Variants in ANO4 observed in about 807,000 individuals in gnomAD.
ANO4 encodes the protein anoctamin-4.
A neutral mutation model predicts 141.9 loss-of-function variants in ANO4; 69 were observed. The ratio of observed to expected loss-of-function variants is 0.49; its 90% CI spans 0.40 to 0.59. ANO4 has a LOEUF of 0.59. Among genes scored for constraint, ANO4 ranks in the 20% least tolerant of loss-of-function variants. The probability of loss-of-function intolerance (pLI) is 0.00; values close to 1 mark genes in which losing one functional copy is unlikely to be tolerated. For synonymous variants in ANO4, 350 were observed against 394.3 expected, an observed-to-expected ratio of 0.89 and a Z score of 1.33; for missense variants, 894 against 1,162.2, an observed-to-expected ratio of 0.77 and a Z score of 3.36.
At chr12:100,855,092 G>T (rs2135865822) in intron 1 of ANO4, among the ~76,000 whole-genome samples, 1 of 152,122 alleles carries the variant, frequency 6.6e-6, no homozygotes, top group East Asian at 1.9e-4. Context: ...CTGCCTCTTG[G>T]TCAGGAATCA....
intron 1 of ANO4, among the ~76,000 whole-genome samples, chr12:100,809,867 G>A (rs115178946): frequency 6.6e-6 from 1 of 152,152 alleles, no homozygotes; most frequent in Non-Finnish European, 1.5e-5. Context: ...GGCCCAGTTA[G>A]AGACTGTTTT....
At chr12:100,850,169 A>G (rs776945688) in intron 1 of ANO4, among the ~76,000 whole-genome samples, 1 of 152,248 alleles carries the variant, frequency 6.6e-6, no homozygotes, top group Non-Finnish European at 1.5e-5. Flanking sequence ...ACATTTTCTC[A>G]TTGGAGTTTT....
intron 5 of ANO4, among the ~76,000 whole-genome samples, chr12:100,964,396 C>T (rs888465157): frequency 6.6e-6 from 1 of 152,168 alleles, no homozygotes; most frequent in Non-Finnish European, 1.5e-5. Flanking sequence ...CTTTGAAACA[C>T]CACCTAACGT....
At chr12:100,991,513 T>TAAAAAAAA (rs59975425) in intron 8 of ANO4, among the ~76,000 whole-genome samples, 1 of 111,174 alleles carries the variant, frequency 9.0e-6, no homozygotes, top group Non-Finnish European at 1.8e-5. Context: ...ATGAAAATAG[T>TAAAAAAAA]AAAAAAAAAA....
intron 3 of ANO4, among the ~76,000 whole-genome samples, chr12:100,770,253 G>A (rs926154622): frequency 6.6e-6 from 1 of 152,084 alleles, no homozygotes; most frequent in Non-Finnish European, 1.5e-5. Context: ...ATGTGGACTC[G>A]GGTTCTTACC....
At chr12:100,995,642 A>AAAAAAGC (rs2045336568) in intron 8 of ANO4, among the ~76,000 whole-genome samples, 1 of 152,208 alleles carries the variant, frequency 6.6e-6, no homozygotes, top group East Asian at 1.9e-4. Context: ...TGTACACAAA[A>AAAAAAGC]TGTTTTAACT....
At position 101,022,041 on chromosome 12, in the gene ANO4, C is replaced by CAAA. The variant is rs34942464; in HGVS notation, c.841+1918_841+1920dup. Among the ~76,000 whole-genome samples, 247 of 76,044 alleles carry CAAA rather than the reference C, an allele frequency of 3.2e-3. 1 individual carries two copies. The highest frequency in any genetic ancestry group is 6.8e-3 in the African/African-American group (167 of 24,426). The allele number at this position is 76,044 out of a possible 152,430, so 49.9% of individuals were successfully genotyped here. A position where few individuals can be genotyped will look rare whatever the true frequency, so the allele number is the denominator to read the frequency against. On this transcript the variant is annotated intron_variant, in intron 9 of 27. Transcript: ENST00000392977. The stretch of plus-strand genomic sequence containing the variant: ...TGAGTCACTAGCATAATGACTCTGC[C>CAAA]AAAAAAAAAAAAAAAAAAACACCTA...
At chr12:100,909,673 C>A (rs1378644247) in intron 2 of ANO4, among the ~76,000 whole-genome samples, 1 of 152,146 alleles carries the variant, frequency 6.6e-6, no homozygotes, top group Admixed American at 6.5e-5. Context: ...AGGATTTCAA[C>A]AGAAGGAAGA....
At chr12:100,846,816 A>G (rs2037586697) in intron 1 of ANO4, among the ~76,000 whole-genome samples, 1 of 152,058 alleles carries the variant, frequency 6.6e-6, no homozygotes, top group African/African-American at 2.4e-5. Context: ...CAGTTTTCAA[A>G]GCACACCATG....
intron 26 of ANO4, among the ~76,000 whole-genome samples, chr12:101,122,372 G>C (rs553436566): frequency 2.0e-5 from 3 of 152,216 alleles, no homozygotes; most frequent in Admixed American, 1.3e-4. Context: ...TTCTCTTGCT[G>C]TGCAGAAGCT....
At chr12:100,727,367 C>A (rs887169963) in intron 1 of ANO4, among the ~76,000 whole-genome samples, 13 of 152,104 alleles carry the variant, frequency 8.5e-5, no homozygotes, top group African/African-American at 3.1e-4. Context: ...ATAGATTTAA[C>A]ATTTGTTTAT....
In ANO4 at chr12:101,097,954, C is replaced by G. The variant is rs200847800; in HGVS notation, c.2006+9C>G. ...ATGGAACTTGGCTACCCGTAAGTACCTTAGTATCAATAATTGAGAGGCAGC... is the reference window on the plus strand; with the variant it reads ...ATGGAACTTGGCTACCCGTAAGTACGTTAGTATCAATAATTGAGAGGCAGC... On this transcript the variant is annotated intron_variant, in intron 21 of 27. Coordinates refer to ENST00000392977, the MANE Select transcript of ANO4 (RefSeq NM_001286615.2). 5.6e-6 allele frequency: 9 copies of G among 1,608,800 alleles called. No homozygotes were observed. The African/African-American group carries it at 1.1e-4, about 19-fold the overall frequency.
chr12:101,089,680 G>T (rs1416922442), intron 17 of ANO4, among the ~76,000 whole-genome samples: 2 of 152,178 alleles, frequency 1.3e-5, no homozygotes, highest in Non-Finnish European at 2.9e-5. Flanking sequence ...ATGCCTGTGT[G>T]GCATGGGCAA....
intron 3 of ANO4, among the ~76,000 whole-genome samples, chr12:100,740,751 T>G (rs774023868): frequency 6.6e-6 from 1 of 152,340 alleles, no homozygotes; most frequent in East Asian, 1.9e-4. Flanking sequence ...TTTTAAATGG[T>G]TGGAAAAAAA....
At chr12:100,806,050 C>A (rs530331330) in intron 1 of ANO4, among the ~76,000 whole-genome samples, 1 of 152,198 alleles carries the variant, frequency 6.6e-6, no homozygotes, top group African/African-American at 2.4e-5. Context: ...ATGAAGGCTC[C>A]TTAGGTGGTG....
At chr12:100,871,805 A>G (rs1034340396) in intron 1 of ANO4, among the ~76,000 whole-genome samples, 2 of 152,128 alleles carry the variant, frequency 1.3e-5, no homozygotes, top group African/African-American at 4.8e-5. Flanking sequence ...CACTAATTCC[A>G]TTCTTGGTTT....
intron 15 of ANO4, among the ~76,000 whole-genome samples, chr12:101,081,463 G>A (rs1194160092): frequency 6.6e-6 from 1 of 152,300 alleles, no homozygotes; most frequent in African/African-American, 2.4e-5. Flanking sequence ...AAAGCGTGGA[G>A]TGCTGAATTG....
At chr12:100,797,138 A>G (rs913021374) in intron 1 of ANO4, among the ~76,000 whole-genome samples, 2 of 151,500 alleles carry the variant, frequency 1.3e-5, no homozygotes, top group African/African-American at 4.9e-5. Flanking sequence ...GTGTATATAT[A>G]TATATATACA....
At chr12:100,923,713 C>T (rs546690765) in intron 3 of ANO4, among the ~76,000 whole-genome samples, 1 of 152,276 alleles carries the variant, frequency 6.6e-6, no homozygotes, top group African/African-American at 2.4e-5. Context: ...AATCACTACA[C>T]TGTCTTCCAC....
Sources: gnomAD v4.1 joint callset for allele counts (sites outside exome capture counted in the v4.1 genomes callset) on GRCh38, gnomAD v4.1.1 for gene constraint, MANE v1.5 for transcripts, NCBI Gene and HGNC (gene_info 2026-07-23, HGNC 2026-07-21) for gene names.